Variants in TOMM34 observed in about 807,000 individuals in gnomAD.
The protein encoded by TOMM34 is mitochondrial import receptor subunit TOM34.
Under a neutral mutation model 37.4 loss-of-function variants are expected in TOMM34, and 24 were observed. The ratio of observed to expected loss-of-function variants is 0.64; its 90% CI spans 0.46 to 0.90. The LOEUF (loss-of-function observed/expected upper bound fraction) is 0.90, where lower values mean the gene tolerates loss of function less well. Ranked by LOEUF, TOMM34 falls within the 40% of genes least tolerant of loss-of-function variation. The pLI is 0.00. For synonymous variants in TOMM34, 154 were observed against 148.9 expected (o/e 1.03, Z -0.25); for missense variants, 304 against 375.6 (o/e 0.81, Z 1.58).
intron 3 of TOMM34, among the ~76,000 whole-genome samples, chr20:44,954,495 T>C (rs891017586): frequency 6.6e-6 from 1 of 152,230 alleles, no homozygotes; most frequent in Non-Finnish European, 1.5e-5. Flanking sequence ...ATTAGTGCAG[T>C]GTTTGGCTTT....
At chr20:44,958,907 G>T (rs989869886) in intron 1 of TOMM34, 1 of 137,836 alleles carries the variant, frequency 7.3e-6, no homozygotes, top group East Asian at 2.1e-4. Context: ...GGAGTGGCTT[G>T]AAACTGCAAA....
At chr20:44,946,431 A>C (rs1299882415) in intron 5 of TOMM34, among the ~76,000 whole-genome samples, 2 of 152,236 alleles carry the variant, frequency 1.3e-5, no homozygotes, top group African/African-American at 4.8e-5. Flanking sequence ...GAAATAACAC[A>C]AGTGAGTGAA....
intron 5 of TOMM34, among the ~76,000 whole-genome samples, chr20:44,947,984 C>T (rs2066994914): frequency 6.6e-6 from 1 of 152,182 alleles, no homozygotes; most frequent in Non-Finnish European, 1.5e-5. Context: ...ATGTTTCAAG[C>T]TTCTGAGAGT....
chr20:44,955,009 A>G lies in TOMM34; in HGVS notation c.380+59T>C. 1.3e-6 allele frequency: 2 copies of G among 1,590,872 alleles called. 1 individual carries two copies. Among genetic ancestry groups the G allele is most frequent in the South Asian group, 2.3e-5 (2 of 88,230 alleles). On this transcript the variant is annotated intron_variant, in intron 3 of 6. Transcript: ENST00000372813. ...GAAGACAGACAAGGCAATGGCCCGC[A>G]GCCAATCAAGAAGGACAGGGAGTTG... is the stretch of plus-strand genomic sequence containing the variant.
intron 3 of TOMM34, among the ~76,000 whole-genome samples, chr20:44,952,922 T>C (rs2067038649): frequency 6.6e-6 from 1 of 152,172 alleles, no homozygotes; most frequent in African/African-American, 2.4e-5. Flanking sequence ...ACCTGTTCCC[T>C]GGCCCTTCCC....
chr20:44,956,334 G>T lies in TOMM34; in HGVS notation c.227+52C>A, dbSNP rs1311950959. On this transcript the variant is annotated intron_variant, in intron 2 of 6. Coordinates refer to ENST00000372813, the MANE Select transcript of TOMM34 (RefSeq NM_006809.5). Reference sequence around the variant, plus strand: ...AGAAGAAACAAGCCAGATTAACCCAGCCTCCTCTTCTGAGACCCTCAGGCA... The same window carrying T: ...AGAAGAAACAAGCCAGATTAACCCATCCTCCTCTTCTGAGACCCTCAGGCA... 5.8e-6 allele frequency: 9 copies of T among 1,549,996 alleles called. No homozygotes were observed. The Admixed American group carries it at 1.5e-4, about 26-fold the overall frequency.
chr20:44,953,841 ACATGGCAGC>A (rs1283942872), intron 3 of TOMM34, among the ~76,000 whole-genome samples: 13 of 152,216 alleles, frequency 8.5e-5, no homozygotes, highest in Middle Eastern at 6.8e-3. Context: ...TCATCCCTCA[ACATGGCAGC>A]AAAGAGCTTT....
At chr20:44,952,072 C>T (rs2067031575) in intron 3 of TOMM34, 70 bp from the exon 4 acceptor site, 1 of 1,526,080 alleles carries the variant, frequency 6.6e-7, no homozygotes, top group Admixed American at 2.1e-5. Context: ...TTTCACACAC[C>T]CATGGGAGGT....
At chr20:44,955,948 C>G (rs2067068337) in intron 2 of TOMM34, among the ~76,000 whole-genome samples, 1 of 152,222 alleles carries the variant, frequency 6.6e-6, no homozygotes, top group South Asian at 2.1e-4. Flanking sequence ...TCCTCTAAAA[C>G]TGGTCATTCA....
chr20:44,954,894 C>A (rs2067057442), intron 3 of TOMM34, among the ~76,000 whole-genome samples, 174 bp downstream of exon 3: 1 of 152,116 alleles, frequency 6.6e-6, no homozygotes. Context: ...TCCCTGAAAA[C>A]CTGCTAAATA....
Position 44,956,461 on chromosome 20 carries a change from C to T in TOMM34, c.152G>A (p.Ser51Asn), listed in dbSNP as rs756536042. Reference protein sequence around the residue: ...AQGSSDPEEESVLYSNRAACH... With the variant: ...AQGSSDPEEENVLYSNRAACH... ...TGCTGCTCGGTTGGAGTAGAGAACA[C>T]TTTCTTCTTCTGGGTCTGAAGAACC... The change falls in exon 2 of 7, where the codon AGT becomes AAT. Residue 51 changes from serine (S) to asparagine (N), a missense_variant. Coordinates refer to ENST00000372813, the MANE Select transcript of TOMM34 (RefSeq NM_006809.5). The T allele has an allele frequency of 3.7e-6, 6 of 1,614,042 alleles. No homozygotes were observed. In the South Asian group the frequency reaches 5.5e-5, roughly 15 times the overall value.
chr20:44,943,974 G>A (rs1568657760), intron 5 of TOMM34, among the ~76,000 whole-genome samples: 3 of 150,530 alleles, frequency 2.0e-5, no homozygotes, highest in Middle Eastern at 3.4e-3. Flanking sequence ...CTTTAAGGGG[G>A]AAAAAAAAAC....
At chr20:44,952,039 C>A in intron 3 of TOMM34, 37 bp from the exon 4 acceptor site, 1 of 1,585,830 alleles carries the variant, frequency 6.3e-7, no homozygotes, top group Non-Finnish European at 8.6e-7. Context: ...AGGTTTCCAG[C>A]TGGGTCAAGA....
chr20:44,955,289 C>T, intron 2 of TOMM34, 69 bp from the exon 3 acceptor site: 2 of 1,577,972 alleles, frequency 1.3e-6, no homozygotes, highest in Non-Finnish European at 1.7e-6. Context: ...CAGTTTCTTC[C>T]AGGCAGGGTT....
chr20:44,948,128 T>A (rs2066996202), intron 5 of TOMM34, among the ~76,000 whole-genome samples: 1 of 152,206 alleles, frequency 6.6e-6, no homozygotes, highest in Non-Finnish European at 1.5e-5. Flanking sequence ...AAAGACCACC[T>A]ATACGAGCAT....
Position 44,948,798 on chromosome 20 carries a change from C to A in TOMM34, c.630G>T (p.Lys210Asn). The change falls in exon 5 of 7, where the codon AAG becomes AAT. Residue 210 changes from lysine (K) to asparagine (N), a missense_variant. Coordinates refer to ENST00000372813, the MANE Select transcript of TOMM34 (RefSeq NM_006809.5). ...TTTCACTGTACTTCTCAATAGCTTT[C>A]TTATGGTTTCCCTTCTTTACAAGCT... ...GNELVKKGNHKKAIEKYSESL... is the reference protein window; with the variant it reads ...GNELVKKGNHNKAIEKYSESL... 1 of 1,614,162 alleles carries A rather than the reference C, an allele frequency of 6.2e-7. No homozygotes were observed. The highest frequency in any genetic ancestry group is 8.5e-7 in the Non-Finnish European group (1 of 1,180,014).
In TOMM34 at chr20:44,955,622, T is replaced by TC; in HGVS notation, c.228-403_228-402insG. ...TCTGCTGCTAACTATGTGACCCAGG[T>TC]AAATCACTTTACTGCCCCAACCCTC... On this transcript the variant is annotated intron_variant, in intron 2 of 6. Transcript: ENST00000372813. The TC allele has an allele frequency of 6.5e-6, 3 of 458,572 alleles. No individual in the cohort carries two copies. The Admixed American group carries it at 7.0e-5, about 11-fold the overall frequency. The allele number at this position is 458,572 out of a possible 1,614,324, so 28.4% of individuals were successfully genotyped here.
intron 3 of TOMM34, among the ~76,000 whole-genome samples, chr20:44,952,249 T>C (rs2067033121): frequency 6.6e-6 from 1 of 152,258 alleles, no homozygotes; most frequent in South Asian, 2.1e-4. Context: ...TGGTGATCTG[T>C]TGCTTGTTAA....
intron 2 of TOMM34, 74 bp downstream of exon 2, chr20:44,956,312 A>G: frequency 1.4e-6 from 2 of 1,422,458 alleles, no homozygotes; most frequent in Non-Finnish European, 2.0e-6. Context: ...CTTCCAAAGA[A>G]GAAACAAGCC....
Sources: allele counts gnomAD v4.1 joint callset (sites outside exome capture counted in the v4.1 genomes callset), GRCh38; gene constraint gnomAD v4.1.1; transcripts MANE v1.5; gene names NCBI Gene and HGNC (gene_info 2026-07-23, HGNC 2026-07-21).